The following AGTPBP1 variants were observed in gnomAD, a reference collection of about 807,000 sequenced individuals.
The protein encoded by AGTPBP1 is cytosolic carboxypeptidase 1.
In AGTPBP1, 70 loss-of-function variants were observed where a neutral mutation model predicts 143.9. The ratio of observed to expected loss-of-function variants is 0.49; its 90% CI spans 0.40 to 0.59. The LOEUF is 0.59. Ranked by LOEUF, AGTPBP1 falls within the 20% of genes least tolerant of loss-of-function variation. AGTPBP1 has a pLI of 0.00. For missense variants in AGTPBP1, 1,229 were observed against 1,464.5 expected, an observed-to-expected ratio of 0.84 and a Z score of 2.62; for synonymous variants, 463 against 500.2, an observed-to-expected ratio of 0.93 and a Z score of 0.99.
At chr9:85,783,787 C>G in the AGTPBP1 span, among the ~76,000 whole-genome samples, 4 of 152,150 alleles carry the variant, frequency 2.6e-5, no homozygotes, top group East Asian at 5.8e-4. Context: ...GGTGCCGCCA[C>G]CAGGCCCAGC....
At chr9:85,560,786 C>T (rs1587626449) in intron 25 of AGTPBP1, among the ~76,000 whole-genome samples, 1 of 151,856 alleles carries the variant, frequency 6.6e-6, no homozygotes, top group Non-Finnish European at 1.5e-5. Flanking sequence ...GAAGAAAGCA[C>T]AGAGAGACAA....
chr9:85,788,671 T>C, the AGTPBP1 span, among the ~76,000 whole-genome samples: 1 of 149,574 alleles, frequency 6.7e-6, no homozygotes, highest in African/African-American at 2.4e-5. Context: ...TATAGTATTA[T>C]ATACTTGTAT....
At chr9:85,603,402 C>T (rs1461005174) in intron 17 of AGTPBP1, among the ~76,000 whole-genome samples, 3 of 152,076 alleles carry the variant, frequency 2.0e-5, no homozygotes, top group Admixed American at 1.3e-4. Context: ...TTTCTAAACA[C>T]ACCCTGGGCC....
intron 14 of AGTPBP1, among the ~76,000 whole-genome samples, chr9:85,624,374 A>C (rs946457421): frequency 6.6e-6 from 1 of 152,032 alleles, no homozygotes; most frequent in African/African-American, 2.4e-5. Flanking sequence ...GCTTCAACCT[A>C]CTCTTCTGTA....
chr9:85,719,851 T>C (rs942875416), intron 1 of AGTPBP1, among the ~76,000 whole-genome samples: 2 of 152,244 alleles, frequency 1.3e-5, no homozygotes, highest in African/African-American at 4.8e-5. Context: ...ACCTAGTTTA[T>C]TGACAGTTTG....
intron 25 of AGTPBP1, among the ~76,000 whole-genome samples, chr9:85,550,546 C>G (rs1392520679): frequency 6.6e-6 from 1 of 152,084 alleles, no homozygotes; most frequent in Non-Finnish European, 1.5e-5. Context: ...ATAAGCATGC[C>G]CTCTTTGAAC....
At chr9:85,564,727 T>C (rs1826968876) in intron 25 of AGTPBP1, among the ~76,000 whole-genome samples, 1 of 152,230 alleles carries the variant, frequency 6.6e-6, no homozygotes, top group African/African-American at 2.4e-5. Flanking sequence ...ACAAATACAC[T>C]ATATGATATT....
intron 11 of AGTPBP1, among the ~76,000 whole-genome samples, chr9:85,650,250 G>C (rs1833075091): frequency 1.3e-5 from 2 of 151,936 alleles, no homozygotes; most frequent in African/African-American, 4.8e-5. Context: ...CAATCACACA[G>C]TGACCCTTGA....
At chr9:85,667,256 A>G (rs1032039071) in intron 8 of AGTPBP1, among the ~76,000 whole-genome samples, 1 of 152,124 alleles carries the variant, frequency 6.6e-6, no homozygotes. Flanking sequence ...ATAATATTTA[A>G]TAAATAGTCA....
At chr9:85,611,155 C>CTTTTTTTTTTTTTTTTT (rs56023115) in intron 17 of AGTPBP1, among the ~76,000 whole-genome samples, 4 of 112,756 alleles carry the variant, frequency 3.5e-5, no homozygotes, top group Non-Finnish European at 7.2e-5. Flanking sequence ...AGGGGCTTTT[C>CTTTTTTTTTTTTTTTTT]TTTTTTTTTT....
intron 3 of AGTPBP1, among the ~76,000 whole-genome samples, chr9:85,689,882 G>C (rs1835728886): frequency 9.3e-6 from 1 of 107,726 alleles, no homozygotes; most frequent in Non-Finnish European, 1.7e-5. Flanking sequence ...GCAACAGAGT[G>C]AGAGAGACTC....
chr9:85,595,923 C>T (rs1294529145), intron 18 of AGTPBP1, among the ~76,000 whole-genome samples: 9 of 152,212 alleles, frequency 5.9e-5, no homozygotes, highest in South Asian at 4.1e-4. Context: ...AACACATCTC[C>T]AGTTAACATT....
rs1480786336 is a variant in AGTPBP1 at position 85,741,434 on chromosome 9, CGAGA to C, written c.-34+337_-34+340del. The C allele has an allele frequency of 5.1e-6, 5 of 985,116 alleles. No homozygotes were observed. In the African/African-American group the frequency reaches 8.7e-5, roughly 17 times the overall value. 61.0% of individuals were successfully genotyped at this position (985,116 alleles called of 1,614,324 possible). ...CCCCGCGGCGCCGCGAGCTCGGGCCCGAGAGAAAGGGCTGAGCAGAAAGGGCGGC... is the reference window on the plus strand; with the variant it reads ...CCCCGCGGCGCCGCGAGCTCGGGCCCGAAAGGGCTGAGCAGAAAGGGCGGC... On this transcript the variant is annotated intron_variant, in intron 1 of 25. Transcript: ENST00000357081.
At chr9:85,745,717 G>T (rs573229882), upstream of AGTPBP1, among the ~76,000 whole-genome samples, 1 of 152,296 alleles carries the variant, frequency 6.6e-6, no homozygotes, top group East Asian at 1.9e-4. Context: ...GAACTTAAAG[G>T]CCAGGTGTGG....
At chr9:85,760,422 T>C in the AGTPBP1 span, among the ~76,000 whole-genome samples, 3 of 152,148 alleles carry the variant, frequency 2.0e-5, no homozygotes, top group Non-Finnish European at 4.4e-5. Flanking sequence ...TTATCCACCA[T>C]GATCATGTGG....
the AGTPBP1 span, among the ~76,000 whole-genome samples, chr9:85,804,333 C>A: frequency 2.6e-5 from 4 of 152,142 alleles, no homozygotes; most frequent in African/African-American, 9.7e-5. Flanking sequence ...TCCCTTCTTG[C>A]TGTAAAACTC....
intron 11 of AGTPBP1, among the ~76,000 whole-genome samples, chr9:85,651,630 A>G (rs1663450910): frequency 6.6e-6 from 1 of 152,204 alleles, no homozygotes; most frequent in South Asian, 2.1e-4. Flanking sequence ...AATATTTCAC[A>G]TAATTACTTC....
chr9:85,738,351 T>C (rs1429182564), intron 1 of AGTPBP1, among the ~76,000 whole-genome samples: 1 of 151,982 alleles, frequency 6.6e-6, no homozygotes, highest in Admixed American at 6.6e-5. Context: ...AGGAAAATTA[T>C]ATGAAAGCTG....
At chr9:85,631,508 C>T (rs927597878) in intron 14 of AGTPBP1, among the ~76,000 whole-genome samples, 1 of 152,190 alleles carries the variant, frequency 6.6e-6, no homozygotes, top group Non-Finnish European at 1.5e-5. Context: ...CAGACCCACT[C>T]CCACACATCT....
Sources: gnomAD v4.1 joint callset for allele counts (sites outside exome capture counted in the v4.1 genomes callset) on GRCh38, gnomAD v4.1.1 for gene constraint, MANE v1.5 for transcripts, NCBI Gene and HGNC (gene_info 2026-07-23, HGNC 2026-07-21) for gene names.